The following ITGB5 variants were observed in gnomAD, a reference collection of about 807,000 sequenced individuals.
ITGB5 encodes integrin subunit beta 5.
Under a neutral mutation model 84.8 loss-of-function variants are expected in ITGB5, and 38 were observed. That is an observed-to-expected ratio of 0.45 (90% CI 0.35 to 0.59). ITGB5 has a LOEUF of 0.59. Ranked by LOEUF, ITGB5 falls within the 20% of genes least tolerant of loss-of-function variation. ITGB5 has a pLI of 0.01. For synonymous variants in ITGB5, 393 were observed against 414.4 expected, an observed-to-expected ratio of 0.95 and a Z score of 0.63; for missense variants, 905 against 1,034.5, an observed-to-expected ratio of 0.87 and a Z score of 1.72.
At chr3:124,866,757 C>T (rs2065397549) in intron 2 of ITGB5, among the ~76,000 whole-genome samples, 1 of 152,302 alleles carries the variant, frequency 6.6e-6, no homozygotes, top group South Asian at 2.1e-4. Flanking sequence ...CTTGGCAGAA[C>T]CCTCAGGGAT....
At chr3:124,872,763 CTT>C (rs1307300878) in intron 2 of ITGB5, among the ~76,000 whole-genome samples, 3 of 152,134 alleles carry the variant, frequency 2.0e-5, no homozygotes, top group Non-Finnish European at 4.4e-5. Flanking sequence ...CTCCCTCTCT[CTT>C]TCTTTCTTTC....
At chr3:124,847,534 C>A (rs1249690910) in intron 4 of ITGB5, among the ~76,000 whole-genome samples, 1 of 152,160 alleles carries the variant, frequency 6.6e-6, no homozygotes, top group Non-Finnish European at 1.5e-5. Flanking sequence ...CATGTGGGAG[C>A]GGGCATGGCA....
At chr3:124,842,574 G>A (rs567872630) in intron 4 of ITGB5, among the ~76,000 whole-genome samples, 67 of 152,250 alleles carry the variant, frequency 4.4e-4, no homozygotes, top group Non-Finnish European at 4.6e-4. Context: ...GCAGAGTAAC[G>A]GGTGAGGATG....
At chr3:124,772,965 G>A (rs1219835239) in intron 11 of ITGB5, among the ~76,000 whole-genome samples, 1 of 149,580 alleles carries the variant, frequency 6.7e-6, no homozygotes, top group Non-Finnish European at 1.5e-5. Flanking sequence ...CCAGGCTGGG[G>A]TGCAGTGGTG....
chr3:124,769,979 C>G (rs1200571281), intron 11 of ITGB5: 1 of 152,234 alleles, frequency 6.6e-6, no homozygotes, highest in Admixed American at 6.5e-5. Context: ...TTAACTACAA[C>G]GTTCAATTAA....
At chr3:124,878,232 A>G (rs1455192728) in intron 1 of ITGB5, among the ~76,000 whole-genome samples, 1 of 152,188 alleles carries the variant, frequency 6.6e-6, no homozygotes, top group Admixed American at 6.5e-5. Context: ...CTGGAGGTCC[A>G]GGGCTCAGGA....
chr3:124,846,713 C>T (rs183294275), intron 4 of ITGB5, among the ~76,000 whole-genome samples: 18 of 152,206 alleles, frequency 1.2e-4, no homozygotes, highest in Non-Finnish European at 2.2e-4. Flanking sequence ...GTGGATGGGT[C>T]GCTTGACGTC....
intron 9 of ITGB5, among the ~76,000 whole-genome samples, chr3:124,798,653 T>G (rs1354931386): frequency 4.6e-5 from 7 of 152,212 alleles, no homozygotes; most frequent in Non-Finnish European, 8.8e-5. Context: ...CTCAAACTGC[T>G]GACCTGAAGT....
At chr3:124,840,757 T>C (rs1355547737) in intron 5 of ITGB5, among the ~76,000 whole-genome samples, 1 of 151,938 alleles carries the variant, frequency 6.6e-6, no homozygotes, top group Non-Finnish European at 1.5e-5. Flanking sequence ...CTCCGCCTCC[T>C]GGTTCAAGCG....
At chr3:124,900,745 C>T (rs868127883) in intron 1 of ITGB5, among the ~76,000 whole-genome samples, 1 of 152,178 alleles carries the variant, frequency 6.6e-6, no homozygotes, top group Non-Finnish European at 1.5e-5. Context: ...GCTCACCTCA[C>T]CTCCCACGGG....
intron 10 of ITGB5, among the ~76,000 whole-genome samples, chr3:124,790,723 T>C (rs1337635396): frequency 2.0e-5 from 3 of 152,140 alleles, no homozygotes; most frequent in Admixed American, 2.0e-4. Context: ...TTTTTTTTTT[T>C]GTTTGGGAGA....
At chr3:124,810,239 G>A (rs2064476608) in intron 8 of ITGB5, among the ~76,000 whole-genome samples, 1 of 152,090 alleles carries the variant, frequency 6.6e-6, no homozygotes, top group Non-Finnish European at 1.5e-5. Flanking sequence ...TAGAAAGAAG[G>A]CAGAGACAAA....
chr3:124,847,926 C>A (rs1402443453), intron 4 of ITGB5, among the ~76,000 whole-genome samples: 2 of 152,090 alleles, frequency 1.3e-5, no homozygotes, highest in Non-Finnish European at 2.9e-5. Context: ...ATTTTGAATT[C>A]ATTTCTCCCA....
Position 124,796,673 on chromosome 3 carries a change from C to G in ITGB5, c.1408G>C (p.Glu470Gln). ...CCGTTGCACCTGGCGCTGTTGGGTT[C>G]CAGCCCCACGCTGCAGCCGCACGTG... is the stretch of plus-strand genomic sequence containing the variant. ...NCTCGCSVGL[E>Q]PNSARCNGSG... The change falls in exon 10 of 15, where the codon GAA becomes CAA. Residue 470 changes from glutamate (E) to glutamine (Q), a missense_variant. Glu to Gln is a conservative substitution (Grantham distance 29). Coordinates refer to ENST00000296181, the MANE Select transcript of ITGB5 (RefSeq NM_002213.5). 1.9e-6 allele frequency: 3 copies of G among 1,614,066 alleles called. No individual in the cohort carries two copies. Among genetic ancestry groups the G allele is most frequent in the Middle Eastern group, 1.7e-4 (1 of 6,022 alleles).
At chr3:124,881,460 G>T (rs1261403940) in intron 1 of ITGB5, among the ~76,000 whole-genome samples, 2 of 152,132 alleles carry the variant, frequency 1.3e-5, no homozygotes, top group African/African-American at 2.4e-5. Flanking sequence ...AATGGAATGG[G>T]CCATGAAAGC....
At chr3:124,899,853 CAAAAAAAAAAAAAAAAAAA>C (rs60859904) in intron 1 of ITGB5, among the ~76,000 whole-genome samples, 1 of 35,008 alleles carries the variant, frequency 2.9e-5, no homozygotes, top group Non-Finnish European at 4.3e-5. Flanking sequence ...GACCCTGTCT[CAAAAAAAAAAAAAAAAAAA>C]AAAAAAAAAA....
intron 5 of ITGB5, among the ~76,000 whole-genome samples, chr3:124,829,643 G>A (rs2064831864): frequency 6.6e-6 from 1 of 152,186 alleles, no homozygotes; most frequent in African/African-American, 2.4e-5. Context: ...AAACTGGCAT[G>A]TCCTCCCAGC....
chr3:124,901,008 C>T (rs1935204920), intron 1 of ITGB5, among the ~76,000 whole-genome samples: 2 of 152,164 alleles, frequency 1.3e-5, no homozygotes, highest in South Asian at 4.1e-4. Flanking sequence ...AACAGCGTAA[C>T]ATTCATTTCT....
chr3:124,878,718 T>G (rs1453864788), intron 1 of ITGB5: 1 of 152,178 alleles, frequency 6.6e-6, no homozygotes, highest in Non-Finnish European at 1.5e-5. Flanking sequence ...CTCACTCCCT[T>G]TGGCATCTCT....
Sources: allele counts gnomAD v4.1 joint callset (sites outside exome capture counted in the v4.1 genomes callset), GRCh38; gene constraint gnomAD v4.1.1; transcripts MANE v1.5; gene names NCBI Gene and HGNC (gene_info 2026-07-23, HGNC 2026-07-21).